Variants in TMEM132C observed in about 807,000 individuals in gnomAD.
TMEM132C encodes the protein transmembrane protein 132C.
Under a neutral mutation model 61.4 loss-of-function variants are expected in TMEM132C, and 29 were observed. The observed-to-expected ratio is 0.47, with a 90% CI of 0.35 to 0.64. The LOEUF (loss-of-function observed/expected upper bound fraction) is 0.64. TMEM132C is among the 30% of genes least tolerant of loss of function. The pLI is 0.00. For synonymous variants in TMEM132C, 656 were observed against 633.1 expected, an observed-to-expected ratio of 1.04 and a Z score of -0.54; for missense variants, 1,408 against 1,476.9, an observed-to-expected ratio of 0.95 and a Z score of 0.76.
At chr12:128,579,618 G>A (rs1394402276) in intron 3 of TMEM132C, among the ~76,000 whole-genome samples, 1 of 152,212 alleles carries the variant, frequency 6.6e-6, no homozygotes, top group Non-Finnish European at 1.5e-5. Context: ...TCCCAAATAT[G>A]TTGGATGGCA....
chr12:128,342,765 G>C (rs1683732), intron 1 of TMEM132C, among the ~76,000 whole-genome samples: 152,176 of 152,328 alleles, frequency 1, 76,012 homozygotes, highest in Non-Finnish European at 1. Context: ...TTCTCTGCCC[G>C]TGGGCCCCTG....
In TMEM132C at chr12:128,412,057, G is replaced by A. The variant is rs189963170; in HGVS notation, c.86-2675G>A. 1.6e-4 allele frequency among the ~76,000 whole-genome samples: 24 copies of A among 152,276 alleles called. No homozygotes were observed. In the East Asian group the frequency reaches 3.9e-3, roughly 24 times the overall value. On this transcript the variant is annotated intron_variant, in intron 1 of 8. Coordinates refer to ENST00000435159, the MANE Select transcript of TMEM132C (RefSeq NM_001136103.3). Reference sequence around the variant, plus strand: ...ATTCAATGTTTGTCTATGATTCTCTGTTGTCTTTAGCCTCAGGATTTATAG... The same window carrying A: ...ATTCAATGTTTGTCTATGATTCTCTATTGTCTTTAGCCTCAGGATTTATAG...
chr12:128,326,255 C>G lies in TMEM132C; in HGVS notation c.85+58768C>G, dbSNP rs1872513422. The stretch of plus-strand genomic sequence containing the variant: ...CTTGGTTTGAGCACCTCCATTCCTC[C>G]CCACCACCATCACTCCATGAACCCC... On this transcript the variant is annotated intron_variant, in intron 1 of 8. Transcript: ENST00000435159. This position sits in a 1 kb window ranked among gnomAD's most constrained non-coding sequence, Gnocchi z 5.6. Among the ~76,000 whole-genome samples the G allele has an allele frequency of 6.6e-6, 1 of 152,092 alleles. No homozygotes were observed. Among genetic ancestry groups the G allele is most frequent in the Admixed American group, 6.6e-5 (1 of 15,254 alleles).
In TMEM132C at chr12:128,621,535, A is replaced by G. The variant is rs115875147; in HGVS notation, c.1305+5200A>G. 1.9e-3 allele frequency among the ~76,000 whole-genome samples: 287 copies of G among 152,346 alleles called. 2 individuals are homozygous for G. Among genetic ancestry groups the G allele is most frequent in the African/African-American group, 6.5e-3 (269 of 41,590 alleles). On this transcript the variant is annotated intron_variant, in intron 4 of 8. Coordinates refer to ENST00000435159, the MANE Select transcript of TMEM132C (RefSeq NM_001136103.3). ...GAGAGAGGCAAGGACGGTTCTCTCT[A>G]GAGCCTTCAGAGGGATTGTGTTGCA...
intron 2 of TMEM132C, among the ~76,000 whole-genome samples, chr12:128,520,923 T>C (rs1872885537): frequency 6.6e-6 from 1 of 152,102 alleles, no homozygotes; most frequent in Non-Finnish European, 1.5e-5. Flanking sequence ...TCCCGTGTGT[T>C]TTCTTTGCAG....
intron 1 of TMEM132C, among the ~76,000 whole-genome samples, chr12:128,351,133 G>A (rs78193329): frequency 0.01 from 1,542 of 152,236 alleles, 29 homozygotes; most frequent in African/African-American, 0.035. Flanking sequence ...CTGACCCTAA[G>A]CCGTTTTCAT....
chr12:128,705,499 C>G lies in TMEM132C; in HGVS notation c.2531C>G (p.Ser844Cys). The G allele has an allele frequency of 6.4e-7, 1 of 1,550,962 alleles. No individual in the cohort carries two copies. Among genetic ancestry groups the G allele is most frequent in the Non-Finnish European group, 8.7e-7 (1 of 1,146,962 alleles). Residue 844 changes from serine (S) to cysteine (C), a missense_variant, in exon 9 of 9, where the codon TCT (serine) becomes TGT (cysteine). By Grantham distance (112) the Ser-to-Cys change is moderately radical (BLOSUM62 -1). Transcript: ENST00000435159. The stretch of plus-strand genomic sequence containing the variant: ...CAAGATGGGCACCTCTATGGCAGCT[C>G]TCCCGTGGAGCGTGAGGAAGGGGCT... ...TGQDGHLYGS[S>C]PVEREEGALR...
intron 2 of TMEM132C, among the ~76,000 whole-genome samples, chr12:128,460,929 C>G (rs1005834179): frequency 1.3e-5 from 2 of 152,146 alleles, no homozygotes; most frequent in African/African-American, 4.8e-5. Context: ...ACCCAGGGCT[C>G]AGGCCTGCCA....
chr12:128,354,163 G>C (rs1873426537), intron 1 of TMEM132C, among the ~76,000 whole-genome samples: 1 of 152,042 alleles, frequency 6.6e-6, no homozygotes, highest in Non-Finnish European at 1.5e-5. Flanking sequence ...GGCTCAGAAA[G>C]AGACAGACAG....
At chr12:128,457,013 T>A (rs1870369216) in intron 2 of TMEM132C, among the ~76,000 whole-genome samples, 1 of 152,200 alleles carries the variant, frequency 6.6e-6, no homozygotes, top group South Asian at 2.1e-4. Context: ...CAGAGCTCAC[T>A]TCCTTATATG....
chr12:128,459,667 G>T (rs550101005), intron 2 of TMEM132C, among the ~76,000 whole-genome samples: 57 of 152,086 alleles, frequency 3.7e-4, no homozygotes, highest in South Asian at 1.7e-3. Context: ...CAAGGCGGGT[G>T]GATCACGAGG....
rs1011101968 is a variant in TMEM132C at position 128,469,712 on chromosome 12, A to ATG, written c.974+54102_974+54103dup. On this transcript the variant is annotated intron_variant, in intron 2 of 8. Transcript: ENST00000435159. ...TGTGTGTATGTATATATATGCATTT[A>ATG]TGTGTGTGTGTATATATATATGCAT... is the stretch of plus-strand genomic sequence containing the variant. 7.9e-4 allele frequency among the ~76,000 whole-genome samples: 119 copies of ATG among 150,596 alleles called. 1 individual carries two copies. The highest frequency in any genetic ancestry group is 1.2e-3 in the Non-Finnish European group (81 of 67,740).
At chr12:128,522,082 G>A (rs1872923859) in intron 2 of TMEM132C, among the ~76,000 whole-genome samples, 1 of 152,146 alleles carries the variant, frequency 6.6e-6, no homozygotes, top group Non-Finnish European at 1.5e-5. Flanking sequence ...CTAAACTTGG[G>A]ACACCACGCC....
intron 1 of TMEM132C, among the ~76,000 whole-genome samples, chr12:128,314,582 C>G (rs1179362073): frequency 6.6e-6 from 1 of 152,096 alleles, no homozygotes. Context: ...AGTTGAGTTT[C>G]AATGAGGACA....
At chr12:128,357,724 C>T (rs1713639) in intron 1 of TMEM132C, among the ~76,000 whole-genome samples, 3 of 150,740 alleles carry the variant, frequency 2.0e-5, no homozygotes, top group Non-Finnish European at 2.9e-5. Flanking sequence ...AAAGAAGGAG[C>T]CCAAAGAAGC....
At chr12:128,586,306 A>G (rs1875546308) in intron 3 of TMEM132C, among the ~76,000 whole-genome samples, 1 of 150,822 alleles carries the variant, frequency 6.6e-6, no homozygotes, top group African/African-American at 2.4e-5. Flanking sequence ...ATACTTTATC[A>G]TTATATATTA....
chr12:128,664,139 C>T (rs1397013325), intron 4 of TMEM132C, among the ~76,000 whole-genome samples: 3 of 142,034 alleles, frequency 2.1e-5, no homozygotes, highest in African/African-American at 8.4e-5. Context: ...GGCACTCACA[C>T]AGGCACACAC....
chr12:128,487,603 G>GTA (rs35552118), intron 2 of TMEM132C, among the ~76,000 whole-genome samples: 26,711 of 136,082 alleles, frequency 0.2, 2,920 homozygotes, highest in Middle Eastern at 0.27. Context: ...GTGTGTGTGG[G>GTA]TATATATATA....
intron 1 of TMEM132C, among the ~76,000 whole-genome samples, chr12:128,320,758 C>T (rs761089096): frequency 2.7e-5 from 4 of 147,324 alleles, no homozygotes; most frequent in East Asian, 2.0e-4. Flanking sequence ...CCAGCCTGGG[C>T]GACACAGCAA....
Sources: gnomAD v4.1 joint callset for allele counts (sites outside exome capture counted in the v4.1 genomes callset) on GRCh38, gnomAD v4.1.1 for gene constraint, Gnocchi (gnomAD v3.1) non-coding constraint, MANE v1.5 for transcripts, NCBI Gene and HGNC (gene_info 2026-07-23, HGNC 2026-07-21) for gene names.